DAB1: variants seen among roughly 807,000 people sequenced by gnomAD.
DAB1 encodes DAB adaptor protein 1.
A neutral mutation model predicts 64.6 loss-of-function variants in DAB1; 15 were observed. The observed-to-expected ratio is 0.23, with a 90% CI of 0.16 to 0.36. The LOEUF (loss-of-function observed/expected upper bound fraction) is 0.36, where lower values mean the gene tolerates loss of function less well. Ranked by LOEUF, DAB1 falls within the 10% of genes least tolerant of loss-of-function variation. The pLI, the probability that DAB1 is intolerant of heterozygous loss-of-function variation, is 1.00. For synonymous variants in DAB1, 235 were observed against 251.9 expected, an observed-to-expected ratio of 0.93 and a Z score of 0.64; for missense variants, 596 against 706.7, an observed-to-expected ratio of 0.84 and a Z score of 1.78.
At chr1:57,579,492 TG>T (rs1433182616) in intron 7 of DAB1, among the ~76,000 whole-genome samples, 1 of 152,248 alleles carries the variant, frequency 6.6e-6, no homozygotes, top group Non-Finnish European at 1.5e-5. Flanking sequence ...TTGTAAACTA[TG>T]GCTTTATGTG....
At chr1:57,532,153 T>A (rs1028536922) in intron 7 of DAB1, among the ~76,000 whole-genome samples, 2 of 152,176 alleles carry the variant, frequency 1.3e-5, no homozygotes, top group Non-Finnish European at 2.9e-5. Context: ...CTGAAATTGG[T>A]AAACTATCAG....
chr1:57,565,341 G>A (rs1321595272), intron 7 of DAB1, among the ~76,000 whole-genome samples: 2 of 152,188 alleles, frequency 1.3e-5, no homozygotes, highest in Non-Finnish European at 2.9e-5. Flanking sequence ...AAAGACCATT[G>A]ATGCTAGGAA....
At chr1:57,933,214 C>T (rs2102039772) in intron 5 of DAB1, among the ~76,000 whole-genome samples, 1 of 152,332 alleles carries the variant, frequency 6.6e-6, no homozygotes, top group East Asian at 1.9e-4. Context: ...CCTATGCTGG[C>T]CCTGGTTCCA....
chr1:57,742,557 C>T (rs1468264542), intron 6 of DAB1, among the ~76,000 whole-genome samples: 1 of 151,904 alleles, frequency 6.6e-6, no homozygotes, highest in Non-Finnish European at 1.5e-5. Flanking sequence ...AAGCTAGGAA[C>T]CTGGTTCTGT....
chr1:57,422,531 G>A (rs1170503913), intron 1 of DAB1, among the ~76,000 whole-genome samples: 2 of 152,084 alleles, frequency 1.3e-5, no homozygotes, highest in Non-Finnish European at 2.9e-5. Context: ...CCCCAGACTC[G>A]GCGACACATA....
At chr1:58,213,392 G>A (rs1488976431) in intron 4 of DAB1, among the ~76,000 whole-genome samples, 1 of 152,112 alleles carries the variant, frequency 6.6e-6, no homozygotes, top group African/African-American at 2.4e-5. Context: ...AAGGAAAGAG[G>A]TTGAACTGAG....
At chr1:57,702,166 C>T (rs923069420) in intron 6 of DAB1, among the ~76,000 whole-genome samples, 4 of 152,194 alleles carry the variant, frequency 2.6e-5, no homozygotes, top group South Asian at 2.1e-4. Flanking sequence ...CTTAGAGGCT[C>T]TTTGCAATTC....
intron 6 of DAB1, among the ~76,000 whole-genome samples, chr1:57,714,646 T>C (rs898915893): frequency 6.6e-6 from 1 of 151,950 alleles, no homozygotes; most frequent in African/African-American, 2.4e-5. Context: ...CACAATAGAG[T>C]TGAAGAGTTA....
At chr1:57,096,387 G>A (rs1308270751) in intron 4 of DAB1, among the ~76,000 whole-genome samples, 2 of 152,112 alleles carry the variant, frequency 1.3e-5, no homozygotes, top group African/African-American at 2.4e-5. Flanking sequence ...TATCTCCACC[G>A]CAAGAGATAT....
intron 5 of DAB1, among the ~76,000 whole-genome samples, chr1:57,072,052 A>C (rs1651517582): frequency 6.9e-6 from 1 of 144,764 alleles, no homozygotes; most frequent in Non-Finnish European, 1.5e-5. Context: ...TCATTAGGAA[A>C]TACCCATTAG....
At chr1:57,589,386 A>G (rs1171971652) in intron 7 of DAB1, among the ~76,000 whole-genome samples, 1 of 152,210 alleles carries the variant, frequency 6.6e-6, no homozygotes, top group East Asian at 1.9e-4. Context: ...AAAGGATAAT[A>G]TCTTTGATTT....
At position 57,422,137 on chromosome 1, in the gene DAB1, C is replaced by T. The variant is rs532713796; in HGVS notation, c.-137+1793G>A. 4.6e-5 allele frequency among the ~76,000 whole-genome samples: 7 copies of T among 152,282 alleles called. No homozygotes were observed. In the South Asian group the frequency reaches 1.5e-3, roughly 32 times the overall value. ...AACTGGATAATTAGGCGGTTCTGAA[C>T]GTAAGCCACCTTTAATTTAATTGAT... On this transcript the variant is annotated intron_variant, in intron 1 of 14. Transcript: ENST00000371236.
intron 5 of DAB1, among the ~76,000 whole-genome samples, chr1:57,899,912 T>C (rs1281759730): frequency 6.6e-6 from 1 of 151,764 alleles, no homozygotes; most frequent in Admixed American, 6.6e-5. Flanking sequence ...CTTGTCTCCC[T>C]GCCAGAAGTC....
At chr1:58,433,666 C>T (rs376130026) in intron 3 of DAB1, among the ~76,000 whole-genome samples, 1,193 of 100,626 alleles carry the variant, frequency 0.012, 22 homozygotes, top group African/African-American at 0.047. Context: ...GGGGGGGAGG[C>T]GGGGGAGAGA....
chr1:57,208,018 C>G (rs1039706954), intron 2 of DAB1, among the ~76,000 whole-genome samples: 2 of 152,146 alleles, frequency 1.3e-5, no homozygotes, highest in African/African-American at 4.8e-5. Flanking sequence ...TGCCCTAAAG[C>G]AGGCCCTGAA....
chr1:57,673,201 G>T (rs1646528193), intron 6 of DAB1, among the ~76,000 whole-genome samples: 1 of 152,116 alleles, frequency 6.6e-6, no homozygotes, highest in Non-Finnish European at 1.5e-5. Flanking sequence ...GAAGGGGCAT[G>T]GGACTTCAAT....
intron 2 of DAB1, among the ~76,000 whole-genome samples, chr1:58,526,860 C>T (rs1243480185): frequency 6.6e-6 from 1 of 151,986 alleles, no homozygotes; most frequent in Admixed American, 6.6e-5. Context: ...TCCAGAGGGA[C>T]AAATGTTAAA....
chr1:57,064,564 C>T (rs1376809704), intron 8 of DAB1, among the ~76,000 whole-genome samples: 2 of 152,176 alleles, frequency 1.3e-5, no homozygotes, highest in Non-Finnish European at 2.9e-5. Flanking sequence ...CACCTGTGAC[C>T]TTGAGGCCCT....
chr1:57,603,337 C>G (rs903817950), intron 7 of DAB1, among the ~76,000 whole-genome samples: 1 of 152,172 alleles, frequency 6.6e-6, no homozygotes, highest in Non-Finnish European at 1.5e-5. Context: ...ATTTTGAGAT[C>G]TGGTCTAGAG....
Sources: gnomAD v4.1 joint callset for allele counts (sites outside exome capture counted in the v4.1 genomes callset) on GRCh38, gnomAD v4.1.1 for gene constraint, MANE v1.5 for transcripts, NCBI Gene and HGNC (gene_info 2026-07-23, HGNC 2026-07-21) for gene names.